CHLSN: variants seen among roughly 807,000 people sequenced by gnomAD.
CHLSN encodes cholesin.
At chr7:1,006,446 G>C in the CHLSN span, among the ~76,000 whole-genome samples, 2 of 149,636 alleles carry the variant, frequency 1.3e-5, no homozygotes, top group African/African-American at 5.0e-5. Context: ...CGCAGGGAAA[G>C]AGCACACGAC....
chr7:1,015,416 C>T, the CHLSN span, among the ~76,000 whole-genome samples: 1 of 152,174 alleles, frequency 6.6e-6, no homozygotes, highest in Non-Finnish European at 1.5e-5. Flanking sequence ...GCCATCGGAG[C>T]CCCTGCAGAG....
the CHLSN span, chr7:1,127,132 C>T: frequency 2.5e-5 from 29 of 1,139,936 alleles, no homozygotes; most frequent in South Asian, 2.3e-4. Flanking sequence ...AGCCCCACCA[C>T]GCCTCCGCAC....
the CHLSN span, chr7:987,057 G>T: frequency 3.2e-5 from 47 of 1,448,898 alleles, no homozygotes; most frequent in Non-Finnish European, 3.8e-5. Context: ...TCTGTGGGGT[G>T]GGGGACAGAC....
the CHLSN span, among the ~76,000 whole-genome samples, chr7:983,773 A>C: frequency 1.3e-5 from 2 of 152,222 alleles, no homozygotes; most frequent in Non-Finnish European, 2.9e-5. Flanking sequence ...GTTCAACAGC[A>C]AACACTTCCC....
chr7:1,121,916 A>T, the CHLSN span, among the ~76,000 whole-genome samples: 2 of 152,036 alleles, frequency 1.3e-5, no homozygotes, highest in Non-Finnish European at 2.9e-5. Flanking sequence ...CACACAGGGC[A>T]GCGTGCTGCA....
the CHLSN span, among the ~76,000 whole-genome samples, chr7:993,709 G>A: frequency 6.6e-6 from 1 of 152,190 alleles, no homozygotes; most frequent in Non-Finnish European, 1.5e-5. Flanking sequence ...CCAGGGGGGT[G>A]GAGGTGGCAG....
At chr7:1,060,304 C>A in the CHLSN span, among the ~76,000 whole-genome samples, 2 of 152,200 alleles carry the variant, frequency 1.3e-5, no homozygotes, top group Non-Finnish European at 2.9e-5. Context: ...GCGGCAAATT[C>A]ACTGGGCAGC....
chr7:1,001,115 G>A, the CHLSN span, among the ~76,000 whole-genome samples: 4 of 152,172 alleles, frequency 2.6e-5, no homozygotes, highest in Non-Finnish European at 5.9e-5. Flanking sequence ...CGGATGGAGC[G>A]AAGCTGGCGC....
the CHLSN span, among the ~76,000 whole-genome samples, chr7:993,991 G>A: frequency 6.6e-6 from 1 of 152,136 alleles, no homozygotes; most frequent in Non-Finnish European, 1.5e-5. Context: ...GCCGCACAGT[G>A]CTGTGAGAGG....
At chr7:1,015,553 G>A in the CHLSN span, among the ~76,000 whole-genome samples, 1 of 152,238 alleles carries the variant, frequency 6.6e-6, no homozygotes, top group African/African-American at 2.4e-5. Context: ...TAAGGGAGCA[G>A]AGCCTTCACC....
chr7:1,057,506 G>A, the CHLSN span: 17 of 759,148 alleles, frequency 2.2e-5, no homozygotes, highest in East Asian at 4.9e-5. Flanking sequence ...GCGGAGCCTC[G>A]CCGGCCGCCA....
At chr7:1,027,808 T>C in the CHLSN span, among the ~76,000 whole-genome samples, 5 of 152,108 alleles carry the variant, frequency 3.3e-5, no homozygotes, top group Non-Finnish European at 7.4e-5. Context: ...CTCTCAAGGG[T>C]CACGCGGCGG....
At chr7:1,072,485 A>G in the CHLSN span, among the ~76,000 whole-genome samples, 1 of 152,174 alleles carries the variant, frequency 6.6e-6, no homozygotes, top group Non-Finnish European at 1.5e-5. Context: ...TTCTGCGCTT[A>G]GGCATATGAT....
At chr7:1,106,767 C>A in the CHLSN span, among the ~76,000 whole-genome samples, 1 of 152,236 alleles carries the variant, frequency 6.6e-6, no homozygotes, top group African/African-American at 2.4e-5. Flanking sequence ...TGGCTGTGCT[C>A]CCAGCTCCCA....
chr7:1,027,979 C>A, the CHLSN span, among the ~76,000 whole-genome samples: 1 of 152,008 alleles, frequency 6.6e-6, no homozygotes, highest in Non-Finnish European at 1.5e-5. Flanking sequence ...GGACCCCCAC[C>A]CTGCCACCCG....
At chr7:1,125,131 G>T in the CHLSN span, among the ~76,000 whole-genome samples, 311 of 152,334 alleles carry the variant, frequency 2.0e-3, 1 homozygote, top group African/African-American at 6.8e-3. Context: ...ACCACCTTCC[G>T]AGAGCTCAGC....
At chr7:999,140 G>C in the CHLSN span, among the ~76,000 whole-genome samples, 1 of 152,074 alleles carries the variant, frequency 6.6e-6, no homozygotes, top group South Asian at 2.1e-4. Flanking sequence ...CCTAACCAAG[G>C]ATTATTTTTC....
At chr7:999,223 T>TAAAAC in the CHLSN span, among the ~76,000 whole-genome samples, 2 of 152,214 alleles carry the variant, frequency 1.3e-5, no homozygotes, top group Non-Finnish European at 2.9e-5. Context: ...AAACTTTGGT[T>TAAAAC]AAAACAAAAC....
chr7:996,408 C>T, the CHLSN span, among the ~76,000 whole-genome samples: 1 of 152,364 alleles, frequency 6.6e-6, no homozygotes. Flanking sequence ...CCAAGGCTGC[C>T]AGGTGGCGGC....
Sources: gnomAD v4.1 joint callset for allele counts (sites outside exome capture counted in the v4.1 genomes callset) on GRCh38, gnomAD v4.1.1 for gene constraint, MANE v1.5 for transcripts, NCBI Gene and HGNC (gene_info 2026-07-23, HGNC 2026-07-21) for gene names.